SCN11A: variants seen among roughly 807,000 people sequenced by gnomAD.
The protein encoded by SCN11A is sodium channel protein type 11 subunit alpha.
Under a neutral mutation model 162.2 loss-of-function variants are expected in SCN11A, and 122 were observed. That is an observed-to-expected ratio of 0.75 (90% CI 0.65 to 0.87). SCN11A has a LOEUF of 0.87. Ranked by LOEUF, SCN11A falls within the 40% of genes least tolerant of loss-of-function variation. The pLI is 0.00. For synonymous variants in SCN11A, 758 were observed against 751.5 expected, an observed-to-expected ratio of 1.01 and a Z score of -0.14; for missense variants, 2,015 against 2,181.6, an observed-to-expected ratio of 0.92 and a Z score of 1.52.
At position 38,920,935 on chromosome 3, in the gene SCN11A, C is replaced by A. The variant is rs568625971; in HGVS notation, c.892+141G>T. On this transcript the variant is annotated intron_variant, in intron 10 of 29. Transcript: ENST00000302328. ...GCAATTCTCTAGGAAATGCATCTGCCCACAGGAGCACCCTGGATGGATGAA... is the reference window on the plus strand; with the variant it reads ...GCAATTCTCTAGGAAATGCATCTGCACACAGGAGCACCCTGGATGGATGAA... 56 of 769,082 alleles carry A rather than the reference C, an allele frequency of 7.3e-5. 1 individual carries two copies. Among genetic ancestry groups the A allele is most frequent in the Admixed American group, 6.1e-4 (27 of 44,602 alleles). The allele number at this position is 769,082 out of a possible 1,614,324, so 47.6% of individuals were successfully genotyped here.
At position 38,926,101 on chromosome 3, in the gene SCN11A, ATTG is replaced by A. The variant is rs200530262; in HGVS notation, c.618-595_618-593del. 8.5e-5 allele frequency among the ~76,000 whole-genome samples: 13 copies of A among 152,334 alleles called. No homozygotes were observed. In the East Asian group the frequency reaches 2.5e-3, roughly 29 times the overall value. ...CATATTGAATGATGCCAGGTTTACT[ATTG>A]TTGTGCTGGCAATGTGTCACTGCAT... is the stretch of plus-strand genomic sequence containing the variant. On this transcript the variant is annotated intron_variant, in intron 8 of 29. Coordinates refer to ENST00000302328, the MANE Select transcript of SCN11A (RefSeq NM_001349253.2).
chr3:38,982,224 A>C (rs2030083495), intron 2 of SCN11A, among the ~76,000 whole-genome samples: 1 of 152,192 alleles, frequency 6.6e-6, no homozygotes, highest in South Asian at 2.1e-4. Flanking sequence ...CCTGTTTGGA[A>C]CTGGGAGTAC....
intron 11 of SCN11A, among the ~76,000 whole-genome samples, chr3:38,915,625 T>A (rs2065949214): frequency 1.3e-5 from 2 of 152,216 alleles, no homozygotes; most frequent in Non-Finnish European, 1.5e-5. Flanking sequence ...GTGATTTTTT[T>A]AGTCTTTTCT....
chr3:38,981,421 G>A (rs1575345834), intron 2 of SCN11A, among the ~76,000 whole-genome samples: 1 of 152,268 alleles, frequency 6.6e-6, no homozygotes, highest in East Asian at 1.9e-4. Context: ...ACAGAGCACT[G>A]TGAGGAGAGA....
intron 2 of SCN11A, among the ~76,000 whole-genome samples, chr3:39,030,141 A>G (rs1357086960): frequency 6.6e-6 from 1 of 152,194 alleles, no homozygotes; most frequent in Non-Finnish European, 1.5e-5. Context: ...GAAGAGTTTT[A>G]AACTATAAAT....
chr3:38,993,406 G>A (rs78169952), intron 2 of SCN11A, among the ~76,000 whole-genome samples: 5,347 of 152,248 alleles, frequency 0.035, 247 homozygotes, highest in African/African-American at 0.11. Flanking sequence ...AGGTTATGTC[G>A]TATAGCAGAT....
intron 2 of SCN11A, among the ~76,000 whole-genome samples, chr3:39,031,544 A>AAC (rs1559580120): frequency 3.0e-4 from 43 of 145,732 alleles, no homozygotes; most frequent in African/African-American, 1.1e-3. Context: ...CAAACAAACA[A>AAC]AAAAAAAACA....
At chr3:38,891,489 T>G (rs935454412) in intron 19 of SCN11A, among the ~76,000 whole-genome samples, 2 of 152,178 alleles carry the variant, frequency 1.3e-5, no homozygotes, top group African/African-American at 4.8e-5. Flanking sequence ...GGCTGAAGAC[T>G]CCTCAAAATT....
At chr3:38,850,399 T>C in intron 29 of SCN11A, 82 bp downstream of exon 29, 1 of 1,333,336 alleles carries the variant, frequency 7.5e-7, no homozygotes, top group Non-Finnish European at 1.0e-6. Flanking sequence ...TTGTGGATAG[T>C]TTGAACAAAC....
intron 7 of SCN11A, among the ~76,000 whole-genome samples, chr3:38,934,662 G>C (rs9683152): frequency 0.014 from 2,061 of 151,266 alleles, 42 homozygotes; most frequent in African/African-American, 0.048. Context: ...GGGATCAATT[G>C]AACAAGAAGA....
chr3:38,986,157 G>A (rs1575347763), intron 2 of SCN11A, among the ~76,000 whole-genome samples: 3 of 150,632 alleles, frequency 2.0e-5, no homozygotes, highest in South Asian at 2.1e-4. Flanking sequence ...ATTGTGGGAG[G>A]AGACTACACA....
At chr3:38,904,161 T>C (rs2065753017) in intron 15 of SCN11A, 58 bp from the exon 16 acceptor site, 2 of 1,106,586 alleles carry the variant, frequency 1.8e-6, no homozygotes, top group Admixed American at 2.5e-5. Context: ...CAGATGCCCT[T>C]TGCCTGAGTG....
intron 23 of SCN11A, among the ~76,000 whole-genome samples, chr3:38,878,366 A>T (rs1196455753): frequency 6.6e-6 from 1 of 151,874 alleles, no homozygotes; most frequent in Non-Finnish European, 1.5e-5. Context: ...CCTGTGAGAA[A>T]ATTATTGTCA....
chr3:38,910,188 C>T lies in SCN11A; in HGVS notation c.979G>A (p.Glu327Lys). 1.2e-6 allele frequency: 2 copies of T among 1,612,948 alleles called. No individual in the cohort carries two copies. The highest frequency in any genetic ancestry group is 1.7e-6 in the Non-Finnish European group (2 of 1,179,270). Reference sequence around the variant, plus strand: ...GGATTAATTTTGGTGTGCTTACATTCATATTGTATGGAACAGGCACTAGAT... The same window carrying T: ...GGATTAATTTTGGTGTGCTTACATTTATATTGTATGGAACAGGCACTAGAT... Reference protein sequence around the residue: ...MGNSACSIQYECKHTKINPDY... With the variant: ...MGNSACSIQYKCKHTKINPDY... The change falls in exon 12 of 30, where the codon GAA becomes AAA. Residue 327 changes from glutamate (E) to lysine (K), a missense_variant. Glu to Lys is a moderately conservative substitution (Grantham distance 56). Coordinates refer to ENST00000302328, the MANE Select transcript of SCN11A (RefSeq NM_001349253.2).
At position 39,040,432 on chromosome 3, in the gene SCN11A, CA is replaced by C. The variant is rs1348599965; in HGVS notation, c.-403-7930del. On this transcript the variant is annotated intron_variant, in intron 1 of 29. Coordinates refer to ENST00000302328, the MANE Select transcript of SCN11A (RefSeq NM_001349253.2). ...AAATTGGAAGAGGTGACTATTTTACCAGATGCACAGAAATCAACATAGGAAC... is the reference window on the plus strand; with the variant it reads ...AAATTGGAAGAGGTGACTATTTTACCGATGCACAGAAATCAACATAGGAAC... Among the ~76,000 whole-genome samples the C allele has an allele frequency of 4.6e-5, 7 of 152,232 alleles. No homozygotes were observed. In the South Asian group the frequency reaches 1.5e-3, roughly 32 times the overall value.
intron 2 of SCN11A, among the ~76,000 whole-genome samples, chr3:38,970,667 T>C (rs1191279092): frequency 1.3e-5 from 2 of 152,176 alleles, no homozygotes; most frequent in African/African-American, 4.8e-5. Flanking sequence ...TCCTGGATCA[T>C]CTGTGACCCA....
chr3:38,971,313 G>A (rs73828779), intron 2 of SCN11A, among the ~76,000 whole-genome samples: 3,145 of 152,054 alleles, frequency 0.021, 74 homozygotes, highest in African/African-American at 0.057. Flanking sequence ...AACCTAAAAC[G>A]TCACTAAGGA....
At position 39,002,603 on chromosome 3, in the gene SCN11A, G is replaced by A. The variant is rs550470518; in HGVS notation, c.-280+29777C>T. ...GTATGTAAGATGTGAGGAGACAGAT[G>A]TAGTACAATTCTTCACCCTTCTCTG... On this transcript the variant is annotated intron_variant, in intron 2 of 29. Coordinates refer to ENST00000302328, the MANE Select transcript of SCN11A (RefSeq NM_001349253.2). Among the ~76,000 whole-genome samples the A allele has an allele frequency of 3.9e-5, 6 of 152,354 alleles. No individual in the cohort carries two copies. The South Asian group carries it at 1.0e-3, about 26-fold the overall frequency.
At chr3:38,888,140 CA>C (rs1300155086) in intron 19 of SCN11A, among the ~76,000 whole-genome samples, 4 of 151,950 alleles carry the variant, frequency 2.6e-5, no homozygotes, top group African/African-American at 9.7e-5. Flanking sequence ...GAGAGAAAGC[CA>C]AAAAACACAA....
Sources: gnomAD v4.1 joint callset for allele counts (sites outside exome capture counted in the v4.1 genomes callset) on GRCh38, gnomAD v4.1.1 for gene constraint, MANE v1.5 for transcripts, NCBI Gene and HGNC (gene_info 2026-07-23, HGNC 2026-07-21) for gene names.